Variants in DYM observed in about 807,000 individuals in gnomAD.
The protein encoded by DYM is dyggve-Melchior-Clausen syndrome protein.
Under a neutral mutation model 93.1 loss-of-function variants are expected in DYM, and 78 were observed. The ratio of observed to expected loss-of-function variants is 0.84; its 90% CI spans 0.70 to 1.01. The LOEUF is 1.01. Among genes scored for constraint, DYM ranks in the 50% least tolerant of loss-of-function variants. The pLI, the probability that DYM is intolerant of heterozygous loss-of-function variation, is 0.00. For synonymous variants in DYM, 321 were observed against 319.7 expected (o/e 1.00, Z -0.04); for missense variants, 789 against 845.0 (o/e 0.93, Z 0.82).
At chr18:49,336,373 T>C (rs1242559316) in intron 6 of DYM, among the ~76,000 whole-genome samples, 1 of 152,128 alleles carries the variant, frequency 6.6e-6, no homozygotes, top group Non-Finnish European at 1.5e-5. Context: ...ACAAAAAAAG[T>C]GTTAACCTTG....
intron 14 of DYM, among the ~76,000 whole-genome samples, chr18:49,179,896 G>A (rs2089750050): frequency 1.3e-5 from 2 of 152,102 alleles, no homozygotes; most frequent in Non-Finnish European, 2.9e-5. Context: ...TTTATTCAAA[G>A]CATGAATCTG....
At chr18:49,288,972 C>T (rs935575998) in intron 8 of DYM, among the ~76,000 whole-genome samples, 2 of 151,980 alleles carry the variant, frequency 1.3e-5, no homozygotes, top group African/African-American at 2.4e-5. Context: ...GGGAAGTATA[C>T]AACCATTCAC....
At chr18:49,268,474 C>A (rs572447260) in intron 11 of DYM, among the ~76,000 whole-genome samples, 55 of 152,092 alleles carry the variant, frequency 3.6e-4, no homozygotes, top group Non-Finnish European at 6.5e-4. Flanking sequence ...AATTTTAATG[C>A]AAAATTCTCT....
intron 14 of DYM, among the ~76,000 whole-genome samples, chr18:49,200,040 T>G (rs2145866042): frequency 6.6e-6 from 1 of 152,074 alleles, no homozygotes; most frequent in East Asian, 1.9e-4. Flanking sequence ...AAATAAACCA[T>G]GGGAGAAATT....
At chr18:49,445,787 T>G (rs1326458978) in intron 1 of DYM, among the ~76,000 whole-genome samples, 1 of 152,122 alleles carries the variant, frequency 6.6e-6, no homozygotes, top group Non-Finnish European at 1.5e-5. Context: ...TCTTAGGCAC[T>G]AAATCCCACA....
chr18:49,182,489 T>C (rs1245467979), intron 14 of DYM, among the ~76,000 whole-genome samples: 1 of 152,220 alleles, frequency 6.6e-6, no homozygotes, highest in Non-Finnish European at 1.5e-5. Flanking sequence ...AGGATTATAA[T>C]AGTCCTCTTG....
At position 49,405,003 on chromosome 18, in the gene DYM, A is replaced by T. The variant is rs532703589; in HGVS notation, c.141-13358T>A. Among the ~76,000 whole-genome samples the T allele has an allele frequency of 6.7e-5, 9 of 133,724 alleles. No individual in the cohort carries two copies. The East Asian group carries it at 1.7e-3, about 25-fold the overall frequency. 87.7% of individuals were successfully genotyped at this position (133,724 alleles called of 152,430 possible). Reference sequence around the variant, plus strand: ...ACTCCAGCCTGGGTGACAGAGTGAGACTCCATCTCAAAAAAAAAAAAAAAA... The same window carrying T: ...ACTCCAGCCTGGGTGACAGAGTGAGTCTCCATCTCAAAAAAAAAAAAAAAA... On this transcript the variant is annotated intron_variant, in intron 2 of 17. Transcript: ENST00000675505.
At chr18:49,350,777 G>A (rs2065053842) in intron 6 of DYM, among the ~76,000 whole-genome samples, 1 of 151,336 alleles carries the variant, frequency 6.6e-6, no homozygotes, top group Admixed American at 6.6e-5. Context: ...GCTATGAATG[G>A]GAGAGGGAAT....
chr18:49,332,365 G>C (rs906941474), intron 7 of DYM, among the ~76,000 whole-genome samples: 4 of 152,168 alleles, frequency 2.6e-5, no homozygotes, highest in Non-Finnish European at 5.9e-5. Flanking sequence ...GCCTCCCAAA[G>C]TGCTGAGATT....
At chr18:49,055,583 G>C (rs1158298574) in intron 17 of DYM, among the ~76,000 whole-genome samples, 2 of 152,314 alleles carry the variant, frequency 1.3e-5, no homozygotes, top group East Asian at 1.9e-4. Flanking sequence ...ATCTGAATAC[G>C]AGGTGCCAAG....
At chr18:49,254,827 A>C (rs553294463) in intron 13 of DYM, among the ~76,000 whole-genome samples, 1 of 152,246 alleles carries the variant, frequency 6.6e-6, no homozygotes, top group Admixed American at 6.5e-5. Context: ...ACAGAAAAAC[A>C]GCCTACAAAG....
chr18:49,316,196 C>T (rs568903221), intron 8 of DYM, among the ~76,000 whole-genome samples: 179 of 152,192 alleles, frequency 1.2e-3, no homozygotes, highest in Non-Finnish European at 4.9e-4. Flanking sequence ...ACAGGAGAAT[C>T]GCTTGAACCT....
At chr18:49,170,452 G>C (rs1024153126) in intron 14 of DYM, among the ~76,000 whole-genome samples, 1 of 152,200 alleles carries the variant, frequency 6.6e-6, no homozygotes, top group African/African-American at 2.4e-5. Context: ...CACAAAAGTG[G>C]AGGTGATCAC....
chr18:49,273,640 G>A (rs1352390117), intron 10 of DYM, among the ~76,000 whole-genome samples: 1 of 152,066 alleles, frequency 6.6e-6, no homozygotes, highest in Non-Finnish European at 1.5e-5. Context: ...TGATGTACAG[G>A]TTTATGGCCT....
chr18:49,394,656 C>G (rs942783249), intron 2 of DYM, among the ~76,000 whole-genome samples: 1 of 152,044 alleles, frequency 6.6e-6, no homozygotes, highest in Non-Finnish European at 1.5e-5. Context: ...TCTTCCGATA[C>G]GTAACAAGGG....
Position 49,119,338 on chromosome 18 carries a change from T to G in DYM, c.1729-412A>C, listed in dbSNP as rs150205365. On this transcript the variant is annotated intron_variant, in intron 15 of 17. Transcript: ENST00000675505. ...AAAAATGCCTAATTCAGAAGATGACTTCATTTCTCTACACTGTCATTTCAG... is the reference window on the plus strand; with the variant it reads ...AAAAATGCCTAATTCAGAAGATGACGTCATTTCTCTACACTGTCATTTCAG... Among the ~76,000 whole-genome samples the G allele has an allele frequency of 3.7e-3, 569 of 152,350 alleles. 3 individuals are homozygous for G. The highest frequency in any genetic ancestry group is 4.9e-3 in the Non-Finnish European group (336 of 68,030).
intron 6 of DYM, among the ~76,000 whole-genome samples, chr18:49,349,287 T>C (rs980636305): frequency 6.6e-6 from 1 of 152,146 alleles, no homozygotes; most frequent in African/African-American, 2.4e-5. Context: ...ATACTGTATA[T>C]GCAAAAAATG....
intron 16 of DYM, among the ~76,000 whole-genome samples, chr18:49,108,019 G>T (rs1022847029): frequency 4.6e-5 from 7 of 152,250 alleles, no homozygotes; most frequent in African/African-American, 1.4e-4. Context: ...GTCTACAGAG[G>T]CAGGCAGGCC....
chr18:49,059,830 G>C (rs1273928526), intron 17 of DYM, among the ~76,000 whole-genome samples: 1 of 152,060 alleles, frequency 6.6e-6, no homozygotes, highest in Non-Finnish European at 1.5e-5. Context: ...TAACTCATGG[G>C]CACTCATTTA....
Sources: allele counts gnomAD v4.1 joint callset (sites outside exome capture counted in the v4.1 genomes callset), GRCh38; gene constraint gnomAD v4.1.1; transcripts MANE v1.5; gene names NCBI Gene and HGNC (gene_info 2026-07-23, HGNC 2026-07-21).